Variants in ADAMTS9 observed in about 807,000 individuals in gnomAD.
The protein encoded by ADAMTS9 is A disintegrin and metalloproteinase with thrombospondin motifs 9.
ADAMTS9 carries 107 observed loss-of-function variants against 257.1 expected under a neutral mutation model. The ratio of observed to expected loss-of-function variants is 0.42; its 90% CI spans 0.36 to 0.49. ADAMTS9 has a LOEUF of 0.49. Ranked by LOEUF, ADAMTS9 falls within the 20% of genes least tolerant of loss-of-function variation. The probability of loss-of-function intolerance (pLI) is 0.03; values close to 1 mark genes in which losing one functional copy is unlikely to be tolerated. For missense variants in ADAMTS9, 2,353 were observed against 2,469.1 expected (o/e 0.95, Z 1.00); for synonymous variants, 982 against 880.9 (o/e 1.11, Z -2.03).
intron 11 of ADAMTS9, among the ~76,000 whole-genome samples, chr3:64,645,302 A>G (rs1329437573): frequency 6.6e-6 from 1 of 152,218 alleles, no homozygotes; most frequent in Admixed American, 6.5e-5. Context: ...GAAACTTGAA[A>G]CAAAAGAGTT....
intron 14 of ADAMTS9, 95 bp downstream of exon 14, chr3:64,633,377 C>T (rs1249908472): frequency 1.9e-6 from 3 of 1,542,752 alleles, no homozygotes; most frequent in Non-Finnish European, 2.6e-6. Flanking sequence ...GGCAACAGTG[C>T]ACAGATACTA....
Position 64,613,516 on chromosome 3 carries a change from T to C in ADAMTS9, c.3190-7A>G, listed in dbSNP as rs768865338. On this transcript the variant is annotated splice_region_variant and splice_polypyrimidine_tract_variant and intron_variant, in intron 21 of 39. Transcript: ENST00000498707. Reference sequence around the variant, plus strand: ...TTCCACAGGTGACCAAGCACTGTAATGAAAAGCGGAGCTAGTCAGGGTCAT... The same window carrying C: ...TTCCACAGGTGACCAAGCACTGTAACGAAAAGCGGAGCTAGTCAGGGTCAT... The C allele has an allele frequency of 1.9e-6, 3 of 1,611,676 alleles. No homozygotes were observed. Among genetic ancestry groups the C allele is most frequent in the Non-Finnish European group, 2.5e-6 (3 of 1,178,988 alleles).
chr3:64,681,774 C>T (rs773789764), intron 2 of ADAMTS9, among the ~76,000 whole-genome samples: 38 of 152,088 alleles, frequency 2.5e-4, no homozygotes, highest in Non-Finnish European at 3.8e-4. Context: ...TGTTGCCTGG[C>T]TCAGCCTCCC....
At chr3:64,600,051 C>CTTTTTTTTTTT (rs35753372) in intron 26 of ADAMTS9, among the ~76,000 whole-genome samples, 10 of 104,162 alleles carry the variant, frequency 9.6e-5, no homozygotes, top group Non-Finnish European at 1.5e-4. Flanking sequence ...AGTTTCTGTT[C>CTTTTTTTTTTT]TTTTTTTTTT....
intron 29 of ADAMTS9, among the ~76,000 whole-genome samples, chr3:64,564,700 TC>T (rs963399282): frequency 2.0e-5 from 3 of 150,962 alleles, no homozygotes; most frequent in South Asian, 2.1e-4. Context: ...TCCCCCTTAT[TC>T]CCCCCCAACT....
chr3:64,613,220 T>C (rs2084699757), intron 22 of ADAMTS9, 125 bp downstream of exon 22: 16 of 1,119,090 alleles, frequency 1.4e-5, no homozygotes, highest in Non-Finnish European at 2.0e-5. Context: ...TCCAGTGCCA[T>C]GGAGGTGTCC....
intron 28 of ADAMTS9, among the ~76,000 whole-genome samples, chr3:64,569,378 G>A (rs1012503645): frequency 3.3e-5 from 5 of 152,190 alleles, no homozygotes; most frequent in Admixed American, 1.3e-4. Context: ...CTGCTGGCTC[G>A]GGTTTTCAAG....
chr3:64,596,466 A>C (rs2084365583), intron 27 of ADAMTS9, among the ~76,000 whole-genome samples: 1 of 152,082 alleles, frequency 6.6e-6, no homozygotes, highest in South Asian at 2.1e-4. Flanking sequence ...GGAACAGGGC[A>C]TAACACAAAC....
At chr3:64,539,785 G>T (rs114426396) in intron 36 of ADAMTS9, among the ~76,000 whole-genome samples, 2 of 152,192 alleles carry the variant, frequency 1.3e-5, no homozygotes, top group African/African-American at 4.8e-5. Flanking sequence ...TTGCCAAAAT[G>T]TGGCGCAATT....
intron 28 of ADAMTS9, among the ~76,000 whole-genome samples, chr3:64,577,758 G>A (rs531947183): frequency 6.6e-6 from 1 of 152,328 alleles, no homozygotes; most frequent in East Asian, 1.9e-4. Flanking sequence ...GAAAGCTTCA[G>A]CCACCTTCTG....
intron 28 of ADAMTS9, chr3:64,588,946 C>CA (rs1221547984): frequency 1.3e-5 from 2 of 152,114 alleles, no homozygotes; most frequent in Admixed American, 6.5e-5. Flanking sequence ...CTTTGTTCCA[C>CA]AAAAAACTAT....
At chr3:64,652,190 ATAAG>A (rs1270298144) in intron 8 of ADAMTS9, among the ~76,000 whole-genome samples, 1 of 152,206 alleles carries the variant, frequency 6.6e-6, no homozygotes, top group African/African-American at 2.4e-5. Flanking sequence ...GATTACAGAA[ATAAG>A]TGAGTCAGAC....
intron 19 of ADAMTS9, among the ~76,000 whole-genome samples, chr3:64,619,783 C>T (rs1323650559): frequency 6.6e-6 from 1 of 152,080 alleles, no homozygotes; most frequent in Non-Finnish European, 1.5e-5. Flanking sequence ...CAGAAAATGT[C>T]ACCATTCTCA....
chr3:64,550,568 A>G (rs778038581), intron 31 of ADAMTS9: 12 of 280,184 alleles, frequency 4.3e-5, no homozygotes, highest in African/African-American at 6.5e-5. Context: ...CTTATACTTA[A>G]CTGTCTTCAG....
At chr3:64,630,003 A>C (rs987667611) in intron 16 of ADAMTS9, among the ~76,000 whole-genome samples, 1 of 152,220 alleles carries the variant, frequency 6.6e-6, no homozygotes, top group African/African-American at 2.4e-5. Flanking sequence ...GCCTCTATAC[A>C]GGTTGAATTC....
chr3:64,655,722 G>A, intron 5 of ADAMTS9, 31 bp from the exon 6 acceptor site: 1 of 1,599,654 alleles, frequency 6.3e-7, no homozygotes, highest in South Asian at 1.1e-5. Flanking sequence ...TGGTTAATCT[G>A]TTGTACCGAT....
chr3:64,522,179 C>G lies in ADAMTS9; in HGVS notation c.5800G>C (p.Val1934Leu), dbSNP rs752890114. 8.7e-6 allele frequency: 14 copies of G among 1,613,924 alleles called. No homozygotes were observed. In the South Asian group the frequency reaches 1.5e-4, roughly 18 times the overall value. ...PSSGTGLEVR[V>L]L is the part of the protein sequence containing the mutation. ...AGGACTACTTACCTTAGCTATAAAA[C>G]TCGCACCTCCAGGCCAGTACCAGAG... Residue 1934 changes from valine (V) to leucine (L), a missense_variant, in exon 39 of 40, where the codon GTT (valine) becomes CTT (leucine). By Grantham distance (32) the Val-to-Leu change is conservative. Coordinates refer to ENST00000498707, the MANE Select transcript of ADAMTS9 (RefSeq NM_182920.2).
chr3:64,590,030 T>C (rs1252992656), intron 28 of ADAMTS9: 1 of 152,194 alleles, frequency 6.6e-6, no homozygotes, highest in Non-Finnish European at 1.5e-5. Context: ...TCACCTTTTT[T>C]TGTCTTCTGG....
intron 31 of ADAMTS9, 124 bp from the exon 32 acceptor site, chr3:64,547,076 A>G: frequency 1.2e-6 from 1 of 845,298 alleles, no homozygotes; most frequent in Non-Finnish European, 1.8e-6. Context: ...CCACTTCATT[A>G]GCTTATTTAT....
Sources: allele counts gnomAD v4.1 joint callset (sites outside exome capture counted in the v4.1 genomes callset), GRCh38; gene constraint gnomAD v4.1.1; transcripts MANE v1.5; gene names NCBI Gene and HGNC (gene_info 2026-07-23, HGNC 2026-07-21).